CD58: variants seen among roughly 807,000 people sequenced by gnomAD.
CD58 encodes CD58 molecule, also known as lymphocyte function-associated antigen 3.
A neutral mutation model predicts 27.6 loss-of-function variants in CD58; 14 were observed. That is an observed-to-expected ratio of 0.51 (90% CI 0.34 to 0.79). The LOEUF (loss-of-function observed/expected upper bound fraction) is 0.79. Ranked by LOEUF, CD58 falls within the 30% of genes least tolerant of loss-of-function variation. CD58 has a pLI of 0.02. For missense variants in CD58, 268 were observed against 301.7 expected, an observed-to-expected ratio of 0.89 and a Z score of 0.83; for synonymous variants, 117 against 103.8, an observed-to-expected ratio of 1.13 and a Z score of -0.77.
rs940090823 is a variant in CD58 at position 116,552,635 on chromosome 1, C to T, written c.71-8031G>A. ...CCTTTCCATTAATATGTCATAAAAT[C>T]TCCTTGAAATCAACTGGTATAGCTA... is the stretch of plus-strand genomic sequence containing the variant. On this transcript the variant is annotated intron_variant, in intron 1 of 5. Coordinates refer to ENST00000369489, the MANE Select transcript of CD58 (RefSeq NM_001779.3). This position sits in a 1 kb window ranked among gnomAD's most constrained non-coding sequence, Gnocchi z 4.5. Among the ~76,000 whole-genome samples, 2 of 152,192 alleles carry T rather than the reference C, an allele frequency of 1.3e-5. No individual in the cohort carries two copies. The highest frequency in any genetic ancestry group is 6.5e-5 in the Admixed American group (1 of 15,274).
intron 3 of CD58, chr1:116,533,097 G>T: frequency 1.3e-6 from 1 of 745,380 alleles, no homozygotes; most frequent in Non-Finnish European, 2.5e-6. Flanking sequence ...GCGAAGTACA[G>T]CACAGCCTGT....
Position 116,536,278 on chromosome 1 carries a change from T to A in CD58, c.365-50A>T. Reference sequence around the variant, plus strand: ...GTACAGAAAATAGTAATATTTAGACTTATCATCTGCAAATTTATGAAGAGC... The same window carrying A: ...GTACAGAAAATAGTAATATTTAGACATATCATCTGCAAATTTATGAAGAGC... On this transcript the variant is annotated intron_variant, in intron 2 of 5. Coordinates refer to ENST00000369489, the MANE Select transcript of CD58 (RefSeq NM_001779.3). This position sits in a 1 kb window ranked among gnomAD's most constrained non-coding sequence, Gnocchi z 5.4. 1 of 1,412,320 alleles carries A rather than the reference T, an allele frequency of 7.1e-7. No individual in the cohort carries two copies. The allele number at this position is 1,412,320 out of a possible 1,614,324, so 87.5% of individuals were successfully genotyped here.
At chr1:116,543,403 A>G (rs566108745) in intron 2 of CD58, among the ~76,000 whole-genome samples, 17 of 152,238 alleles carry the variant, frequency 1.1e-4, no homozygotes, top group African/African-American at 3.9e-4. Flanking sequence ...AGGAGAGGCG[A>G]TCAAGGACAA....
intron 2 of CD58, among the ~76,000 whole-genome samples, chr1:116,540,469 A>G (rs967287933): frequency 6.6e-5 from 10 of 152,092 alleles, no homozygotes; most frequent in African/African-American, 2.4e-4. Flanking sequence ...TGGACCCTCT[A>G]TCTACCTGGA....
At position 116,514,541 on chromosome 1, in the gene CD58, T is replaced by A. The variant is rs1364598288; in HGVS notation, c.*272A>T. 1.0e-5 allele frequency: 4 copies of A among 387,788 alleles called. No individual in the cohort carries two copies. In the Admixed American group the frequency reaches 1.4e-4, roughly 14 times the overall value. 24.0% of individuals were successfully genotyped at this position (387,788 alleles called of 1,614,324 possible). ...AGTAGCCAAACCACCTAGTCACTTGTGTACATATTTACATTTATTTACAAA... is the reference window on the plus strand; with the variant it reads ...AGTAGCCAAACCACCTAGTCACTTGAGTACATATTTACATTTATTTACAAA... On this transcript the variant is annotated 3_prime_UTR_variant, in exon 6 of 6. Transcript: ENST00000369489.
At chr1:116,553,128 T>C (rs1002445550) in intron 1 of CD58, among the ~76,000 whole-genome samples, 2 of 152,064 alleles carry the variant, frequency 1.3e-5, no homozygotes, top group Non-Finnish European at 2.9e-5. Flanking sequence ...CTGAGAAATG[T>C]CTTTTCACAT....
intron 5 of CD58, chr1:116,518,984 G>T: frequency 1.9e-6 from 2 of 1,038,180 alleles, no homozygotes; most frequent in Non-Finnish European, 2.7e-6. Flanking sequence ...TAAGCAAGGG[G>T]TATGATACTC....
At chr1:116,551,669 A>G (rs1331422300) in intron 1 of CD58, among the ~76,000 whole-genome samples, 1 of 149,850 alleles carries the variant, frequency 6.7e-6, no homozygotes, top group African/African-American at 2.4e-5. Context: ...TGAATTCACA[A>G]CTTCACTAAC....
chr1:116,564,831 T>C (rs547146480), intron 1 of CD58, among the ~76,000 whole-genome samples: 1 of 152,310 alleles, frequency 6.6e-6, no homozygotes, highest in South Asian at 2.1e-4. Context: ...TTGCTTAGGA[T>C]GGTCTCGAAC....
intron 1 of CD58, among the ~76,000 whole-genome samples, chr1:116,565,662 AG>A (rs140606174): frequency 0.02 from 2,973 of 151,512 alleles, 95 homozygotes; most frequent in African/African-American, 0.069. Flanking sequence ...ACCTTGTTTA[AG>A]AAGGGTAGTT....
At chr1:116,529,735 G>T (rs1361830627) in intron 3 of CD58, among the ~76,000 whole-genome samples, 1 of 152,204 alleles carries the variant, frequency 6.6e-6, no homozygotes, top group African/African-American at 2.4e-5. Context: ...CCTTCAGTAA[G>T]TATTAGTTCA....
rs1481240136 is a variant in CD58, at chr1:116,528,575, T to G, written c.629-6592A>C. On this transcript the variant is annotated intron_variant, in intron 3 of 5. Coordinates refer to ENST00000369489, the MANE Select transcript of CD58 (RefSeq NM_001779.3). This position sits in a 1 kb window ranked among gnomAD's most constrained non-coding sequence, Gnocchi z 4.4. ...AGTTGGAAACTGGTACTCTAGAGAA[T>G]ATCCTCTTGCCTACCCCTTCAAAAA... 1.3e-5 allele frequency among the ~76,000 whole-genome samples: 2 copies of G among 152,222 alleles called. No homozygotes were observed. Among genetic ancestry groups the G allele is most frequent in the Non-Finnish European group, 2.9e-5 (2 of 68,028 alleles).
Position 116,571,012 on chromosome 1 carries a change from A to G in CD58, c.-40T>C. The G allele has an allele frequency of 6.6e-7, 1 of 1,507,004 alleles. No homozygotes were observed. Among genetic ancestry groups the G allele is most frequent in the Non-Finnish European group, 8.9e-7 (1 of 1,124,820 alleles). 93.4% of individuals were successfully genotyped at this position (1,507,004 alleles called of 1,614,324 possible). On this transcript the variant is annotated 5_prime_UTR_variant, in exon 1 of 6. Transcript: ENST00000369489. ...GCCTCTGCGCGAGTGCCCAGCCACA[A>G]GCAGCCCTAAGTTCAAGCACCGCCT...
Position 116,557,272 on chromosome 1 carries a change from G to A in CD58, c.71-12668C>T, listed in dbSNP as rs771290884. On this transcript the variant is annotated intron_variant, in intron 1 of 5. Coordinates refer to ENST00000369489, the MANE Select transcript of CD58 (RefSeq NM_001779.3). The surrounding 1 kb of genome is among the most constrained non-coding windows in gnomAD (Gnocchi z 5.2). The stretch of plus-strand genomic sequence containing the variant: ...AACCTGGCTGAAGAAGGAGGACTTC[G>A]TAAGGAGAGATGGAGAAAGAAGTTT... Among the ~76,000 whole-genome samples, 1 of 152,194 alleles carries A rather than the reference G, an allele frequency of 6.6e-6. No homozygotes were observed. The highest frequency in any genetic ancestry group is 2.4e-5 in the African/African-American group (1 of 41,442).
At chr1:116,526,889 A>G (rs1336879255) in intron 3 of CD58, among the ~76,000 whole-genome samples, 1 of 152,052 alleles carries the variant, frequency 6.6e-6, no homozygotes, top group Admixed American at 6.5e-5. Flanking sequence ...TCTCATATAA[A>G]TCTGGGACAT....
chr1:116,551,223 C>G (rs1658378653), intron 1 of CD58, among the ~76,000 whole-genome samples: 1 of 152,190 alleles, frequency 6.6e-6, no homozygotes, highest in Non-Finnish European at 1.5e-5. Flanking sequence ...TCCTGTCTAG[C>G]TATGGAAGTC....
chr1:116,531,338 TG>T lies in CD58; in HGVS notation c.628+4626del, dbSNP rs1181135294. Among the ~76,000 whole-genome samples, 1 of 152,250 alleles carries T rather than the reference TG, an allele frequency of 6.6e-6. No homozygotes were observed. Among genetic ancestry groups the T allele is most frequent in the East Asian group, 1.9e-4 (1 of 5,196 alleles). On this transcript the variant is annotated intron_variant, in intron 3 of 5. Coordinates refer to ENST00000369489, the MANE Select transcript of CD58 (RefSeq NM_001779.3). The surrounding 1 kb of genome is among the most constrained non-coding windows in gnomAD (Gnocchi z 4.5). ...TATTTCCTTCAAGTATTTTGTCTCT[TG>T]GAACACTTAAAACTTTTCAAGATTT...
In CD58 at chr1:116,557,440, C is replaced by G. The variant is rs1351065898; in HGVS notation, c.71-12836G>C. Among the ~76,000 whole-genome samples the G allele has an allele frequency of 6.6e-6, 1 of 152,108 alleles. No individual in the cohort carries two copies. The highest frequency in any genetic ancestry group is 1.5e-5 in the Non-Finnish European group (1 of 68,026). On this transcript the variant is annotated intron_variant, in intron 1 of 5. Transcript: ENST00000369489. The surrounding 1 kb of genome is among the most constrained non-coding windows in gnomAD (Gnocchi z 5.2). ...CCACCTTCCCAACTCCACAGCTGTCCCTTTTGAGATGTTCCCTCTCAAGTT... is the reference window on the plus strand; with the variant it reads ...CCACCTTCCCAACTCCACAGCTGTCGCTTTTGAGATGTTCCCTCTCAAGTT...
At position 116,516,157 on chromosome 1, in the gene CD58, T is replaced by C. The variant is rs1044561807; in HGVS notation, c.744-1335A>G. ...GATCCTCGCACCTCAGCCTCCCAAGTAGCTGAGACTACAGGTGTGTGCTAC... is the reference window on the plus strand; with the variant it reads ...GATCCTCGCACCTCAGCCTCCCAAGCAGCTGAGACTACAGGTGTGTGCTAC... On this transcript the variant is annotated intron_variant, in intron 5 of 5. Coordinates refer to ENST00000369489, the MANE Select transcript of CD58 (RefSeq NM_001779.3). This position sits in a 1 kb window ranked among gnomAD's most constrained non-coding sequence, Gnocchi z 6.1. 5.9e-5 allele frequency among the ~76,000 whole-genome samples: 9 copies of C among 152,170 alleles called. No homozygotes were observed. The highest frequency in any genetic ancestry group is 2.2e-4 in the African/African-American group (9 of 41,442).
Sources: allele counts gnomAD v4.1 joint callset (sites outside exome capture counted in the v4.1 genomes callset), GRCh38; gene constraint gnomAD v4.1.1; non-coding constraint Gnocchi (gnomAD v3.1); transcripts MANE v1.5; gene names NCBI Gene and HGNC (gene_info 2026-07-23, HGNC 2026-07-21).